Variants in LPIN1 observed in about 807,000 individuals in gnomAD.
LPIN1 encodes lipin 1.
LPIN1 carries 71 observed loss-of-function variants against 107.5 expected under a neutral mutation model. The ratio of observed to expected loss-of-function variants is 0.66; its 90% CI spans 0.55 to 0.80. The LOEUF is 0.80. Ranked by LOEUF, LPIN1 falls within the 30% of genes least tolerant of loss-of-function variation. LPIN1 has a pLI of 0.00. For missense variants in LPIN1, 1,043 were observed against 1,160.6 expected, an observed-to-expected ratio of 0.90 and a Z score of 1.47; for synonymous variants, 445 against 452.6, an observed-to-expected ratio of 0.98 and a Z score of 0.21.
chr2:11,784,124 G>A lies in LPIN1; in HGVS notation c.1358+202G>A. ...GTTCAAGACCACCCTGGCCAACATG[G>A]TGAATCCTCGTTCTACTGAAAATAC... On this transcript the variant is annotated intron_variant, in intron 9 of 20. Coordinates refer to ENST00000674199, the MANE Select transcript of LPIN1 (RefSeq NM_001349206.2). 4 of 869,050 alleles carry A rather than the reference G, an allele frequency of 4.6e-6. No individual in the cohort carries two copies. The South Asian group carries it at 6.8e-5, about 15-fold the overall frequency. 53.8% of individuals were successfully genotyped at this position (869,050 alleles called of 1,614,324 possible).
chr2:11,765,791 C>A lies in LPIN1; in HGVS notation c.192+58C>A. ...GCTCTCCTTAGAGAATGCCCTTGTA[C>A]TCTGGTGATGCCACCTGTCTTGAAC... On this transcript the variant is annotated intron_variant, in intron 2 of 20. Transcript: ENST00000674199. This position sits in a 1 kb window ranked among gnomAD's most constrained non-coding sequence, Gnocchi z 4.4. 6.8e-7 allele frequency: 1 copy of A among 1,481,074 alleles called. No individual in the cohort carries two copies. The highest frequency in any genetic ancestry group is 1.2e-5 in the South Asian group (1 of 80,800). The allele number at this position is 1,481,074 out of a possible 1,614,324, so 91.7% of individuals were successfully genotyped here.
In LPIN1 at chr2:11,795,452, C is replaced by T. The variant is rs145533166; in HGVS notation, c.1851C>T (p.Thr617=). ...GCTTGGCTGGCAAGGCCCATAGCAC[C>T]GGAGAGCAACCGCCGCAGCTCAGCT... ...EQCLAGKAHS[T]GEQPPQLSLA... Residue 617 remains threonine (T), a synonymous_variant, in exon 14 of 21, where the codon ACC becomes ACT. Transcript: ENST00000674199. 1.2e-5 allele frequency: 20 copies of T among 1,614,072 alleles called. No homozygotes were observed. In the African/African-American group the frequency reaches 1.7e-4, roughly 14 times the overall value.
intron 5 of LPIN1, 126 bp downstream of exon 5, chr2:11,773,871 G>A: frequency 3.7e-6 from 4 of 1,081,164 alleles, no homozygotes; most frequent in South Asian, 1.4e-5. Context: ...AAAACACGGT[G>A]TAGAGTCGGA....
At chr2:11,678,202 G>A (rs1022282817) in intron 1 of LPIN1, among the ~76,000 whole-genome samples, 2 of 152,210 alleles carry the variant, frequency 1.3e-5, no homozygotes, top group African/African-American at 4.8e-5. Context: ...TGGGGCTTCT[G>A]TGGACCCCAA....
chr2:11,787,054 C>T lies in LPIN1; in HGVS notation c.1550-20C>T, dbSNP rs758409019. ...ATTTTCTTTTTGTTTTTCCCTGATC[C>T]TCTGCAATTGCTGTCACAGATGCAT... On this transcript the variant is annotated intron_variant, in intron 10 of 20. Coordinates refer to ENST00000674199, the MANE Select transcript of LPIN1 (RefSeq NM_001349206.2). 12 of 1,553,626 alleles carry T rather than the reference C, an allele frequency of 7.7e-6. 1 individual carries two copies. In the South Asian group the frequency reaches 1.2e-4, roughly 16 times the overall value.
chr2:11,690,136 A>G (rs1317009023), intron 1 of LPIN1, among the ~76,000 whole-genome samples: 1 of 152,222 alleles, frequency 6.6e-6, no homozygotes, highest in Non-Finnish European at 1.5e-5. Context: ...AATGTTAATT[A>G]TAATATGTCC....
At chr2:11,746,552 C>A, upstream of LPIN1, 1 of 639,334 alleles carries the variant, frequency 1.6e-6, no homozygotes, top group Non-Finnish European at 1.9e-6. Context: ...CACCGCCCCG[C>A]TTGCCCCGCC....
chr2:11,727,510 CGTGGGGTGCTTGTGTGCTCACTGCTA>C (rs1664781948), intron 1 of LPIN1, among the ~76,000 whole-genome samples: 1 of 152,136 alleles, frequency 6.6e-6, no homozygotes, highest in Admixed American at 6.5e-5. Context: ...AAAACCAAGA[CGTGGGGTGCTTGTGTGCTCACTGCTA>C]GTGGGGTGTC....
chr2:11,792,114 C>A, intron 13 of LPIN1, 108 bp downstream of exon 13: 2 of 953,426 alleles, frequency 2.1e-6, no homozygotes, highest in Admixed American at 2.0e-5. Context: ...GGCCCTAGTG[C>A]TGAGTTTCCA....
intron 7 of LPIN1, among the ~76,000 whole-genome samples, chr2:11,780,449 C>CT (rs1054156185): frequency 1.9e-4 from 29 of 152,206 alleles, no homozygotes; most frequent in African/African-American, 6.7e-4. Context: ...GAGGGAAAGG[C>CT]TAATAGAACA....
chr2:11,802,467 G>A (rs927283778), intron 14 of LPIN1, among the ~76,000 whole-genome samples: 1 of 152,132 alleles, frequency 6.6e-6, no homozygotes, highest in Non-Finnish European at 1.5e-5. Context: ...TAATTGCTTG[G>A]AGTTGTATAT....
chr2:11,776,282 A>G, intron 6 of LPIN1, 89 bp downstream of exon 6: 3 of 770,640 alleles, frequency 3.9e-6, no homozygotes, highest in Non-Finnish European at 6.1e-6. Flanking sequence ...CCATTAACCA[A>G]ATTACTTATG....
At chr2:11,703,215 G>A (rs1662968701) in intron 1 of LPIN1, among the ~76,000 whole-genome samples, 2 of 152,250 alleles carry the variant, frequency 1.3e-5, no homozygotes, top group Non-Finnish European at 2.9e-5. Flanking sequence ...GACCCACCAT[G>A]GAACTGGTTT....
At chr2:11,713,741 GT>G in intron 1 of LPIN1, 1 of 1,445,150 alleles carries the variant, frequency 6.9e-7, no homozygotes, top group Non-Finnish European at 9.4e-7. Context: ...AATTTCTAAT[GT>G]TTTTGTTTTT....
chr2:11,809,437 A>T (rs1341456519), intron 17 of LPIN1, among the ~76,000 whole-genome samples: 4 of 150,968 alleles, frequency 2.6e-5, no homozygotes, highest in African/African-American at 7.3e-5. Context: ...TTTTTTGGAG[A>T]TGGAGTTTTG....
chr2:11,798,809 A>G (rs986135174), intron 14 of LPIN1, among the ~76,000 whole-genome samples: 5 of 151,956 alleles, frequency 3.3e-5, no homozygotes, highest in African/African-American at 9.7e-5. Flanking sequence ...ATGTTTTCCT[A>G]ATTGACAGAC....
intron 1 of LPIN1, among the ~76,000 whole-genome samples, chr2:11,759,071 G>A (rs1669106809): frequency 6.6e-6 from 1 of 152,190 alleles, no homozygotes; most frequent in Non-Finnish European, 1.5e-5. Flanking sequence ...ACAGAGGAGA[G>A]GCTAGGATGC....
intron 1 of LPIN1, chr2:11,682,805 C>T (rs1304796658): frequency 2.0e-5 from 3 of 152,218 alleles, no homozygotes; most frequent in African/African-American, 7.2e-5. Flanking sequence ...GCAGACCCTT[C>T]GCATGGGAAC....
At position 11,767,819 on chromosome 2, in the gene LPIN1, T is replaced by G; in HGVS notation, c.249T>G (p.Asn83Lys). 6.2e-7 allele frequency: 1 copy of G among 1,613,214 alleles called. No individual in the cohort carries two copies. Among genetic ancestry groups the G allele is most frequent in the Non-Finnish European group, 8.5e-7 (1 of 1,179,160 alleles). ...SVDLHMKLGD[N>K]GEAFFVQETD... ...ATTTGCATATGAAATTGGGAGATAA[T>G]GGAGAAGCATTTTTTGTTCAAGAAA... Residue 83 changes from asparagine to lysine, a missense_variant, in exon 3 of 21, where the codon AAT (asparagine) becomes AAG (lysine). Asn to Lys is a moderately conservative substitution (Grantham distance 94). Transcript: ENST00000674199.
Sources: allele counts gnomAD v4.1 joint callset (sites outside exome capture counted in the v4.1 genomes callset), GRCh38; gene constraint gnomAD v4.1.1; non-coding constraint Gnocchi (gnomAD v3.1); transcripts MANE v1.5; gene names NCBI Gene and HGNC (gene_info 2026-07-23, HGNC 2026-07-21).